DENND1A: variants seen among roughly 807,000 people sequenced by gnomAD.
DENND1A encodes the protein DENN domain containing 1A.
DENND1A carries 51 observed loss-of-function variants against 113.7 expected under a neutral mutation model. That is an observed-to-expected ratio of 0.45 (90% CI 0.36 to 0.57). The LOEUF (loss-of-function observed/expected upper bound fraction) is 0.57. Ranked by LOEUF, DENND1A falls within the 20% of genes least tolerant of loss-of-function variation. The pLI, the probability that DENND1A is intolerant of heterozygous loss-of-function variation, is 0.00. For synonymous variants in DENND1A, 565 were observed against 570.8 expected (o/e 0.99, Z 0.14); for missense variants, 1,258 against 1,395.9 (o/e 0.90, Z 1.57).
At chr9:123,759,901 A>G (rs2070893583) in intron 4 of DENND1A, 1 of 152,246 alleles carries the variant, frequency 6.6e-6, no homozygotes, top group African/African-American at 2.4e-5. Context: ...ATAAAGCTAA[A>G]TTTCGCATTC....
chr9:123,640,610 T>C (rs1404113187), intron 9 of DENND1A, among the ~76,000 whole-genome samples: 1 of 152,236 alleles, frequency 6.6e-6, no homozygotes, highest in Non-Finnish European at 1.5e-5. Flanking sequence ...TCTCCTTGTT[T>C]CTGAGAGTCA....
intron 2 of DENND1A, among the ~76,000 whole-genome samples, chr9:123,831,780 C>G (rs989313479): frequency 1.8e-4 from 28 of 152,220 alleles, no homozygotes; most frequent in African/African-American, 6.5e-4. Flanking sequence ...GTCAGGTGTT[C>G]AAGACCAGCC....
intron 10 of DENND1A, among the ~76,000 whole-genome samples, chr9:123,615,112 T>A (rs1405851004): frequency 1.3e-5 from 2 of 152,306 alleles, no homozygotes; most frequent in South Asian, 2.1e-4. Context: ...CTCTTCAGGC[T>A]AATGTAACTG....
At chr9:123,795,370 CCATAATGTCA>C (rs1833608943) in intron 2 of DENND1A, among the ~76,000 whole-genome samples, 1 of 152,180 alleles carries the variant, frequency 6.6e-6, no homozygotes, top group Non-Finnish European at 1.5e-5. Flanking sequence ...AATCGCAATG[CCATAATGTCA>C]CCAAAATATC....
chr9:123,797,059 A>C (rs1564288368), intron 2 of DENND1A, among the ~76,000 whole-genome samples: 1 of 152,194 alleles, frequency 6.6e-6, no homozygotes, highest in Non-Finnish European at 1.5e-5. Flanking sequence ...GGCAGAAAAC[A>C]TTACATTTAA....
intron 5 of DENND1A, among the ~76,000 whole-genome samples, chr9:123,735,887 T>C (rs974662830): frequency 2.2e-4 from 34 of 152,126 alleles, no homozygotes; most frequent in Admixed American, 2.2e-3. Flanking sequence ...TAGTCCCAGC[T>C]ACTCGGGAGG....
intron 19 of DENND1A, among the ~76,000 whole-genome samples, chr9:123,419,140 G>A (rs1402603353): frequency 6.6e-6 from 1 of 152,264 alleles, no homozygotes; most frequent in South Asian, 2.1e-4. Flanking sequence ...GATGCTGGAG[G>A]CCACAGGGAC....
At chr9:123,823,805 T>C (rs537889447) in intron 2 of DENND1A, among the ~76,000 whole-genome samples, 1 of 150,654 alleles carries the variant, frequency 6.6e-6, no homozygotes, top group African/African-American at 2.4e-5. Flanking sequence ...GAAAGGTGAG[T>C]GAGTATGTAA....
intron 21 of DENND1A, among the ~76,000 whole-genome samples, chr9:123,397,059 T>C (rs2043173978): frequency 6.6e-6 from 1 of 152,214 alleles, no homozygotes; most frequent in African/African-American, 2.4e-5. Flanking sequence ...ATAGATCTCA[T>C]AAGACCTCCC....
chr9:123,755,584 A>C (rs1484342639), intron 5 of DENND1A, among the ~76,000 whole-genome samples: 1 of 151,280 alleles, frequency 6.6e-6, no homozygotes, highest in East Asian at 2.0e-4. Context: ...TTTAAAGTAA[A>C]AGTTATACCT....
At chr9:123,556,747 T>C (rs1475751460) in intron 13 of DENND1A, among the ~76,000 whole-genome samples, 1 of 152,072 alleles carries the variant, frequency 6.6e-6, no homozygotes, top group Non-Finnish European at 1.5e-5. Flanking sequence ...TCCAACATTC[T>C]CCCCTCTGCA....
chr9:123,437,876 G>A (rs1024217113), intron 19 of DENND1A: 12 of 152,170 alleles, frequency 7.9e-5, no homozygotes, highest in African/African-American at 2.2e-4. Flanking sequence ...TTAGGGCTAC[G>A]TGAGTGCATT....
At chr9:123,860,906 C>T (rs1031875512) in intron 2 of DENND1A, among the ~76,000 whole-genome samples, 2 of 152,128 alleles carry the variant, frequency 1.3e-5, no homozygotes, top group East Asian at 3.8e-4. Context: ...TTGTGGAAAA[C>T]ATCAATAACA....
At chr9:123,744,772 T>C (rs1327626440) in intron 5 of DENND1A, among the ~76,000 whole-genome samples, 1 of 119,438 alleles carries the variant, frequency 8.4e-6, no homozygotes, top group East Asian at 2.3e-4. Context: ...TATTAGCTCT[T>C]TTTTTTTTTT....
intron 5 of DENND1A, among the ~76,000 whole-genome samples, chr9:123,724,045 T>G (rs913276518): frequency 3.3e-5 from 5 of 152,198 alleles, no homozygotes; most frequent in African/African-American, 1.2e-4. Context: ...CTCAGCTTGT[T>G]AAAGAAGAAC....
chr9:123,699,688 C>CTTTTTT (rs34215948), intron 5 of DENND1A, among the ~76,000 whole-genome samples: 483 of 112,414 alleles, frequency 4.3e-3, no homozygotes, highest in African/African-American at 6.2e-3. Flanking sequence ...TTCTTTCTTT[C>CTTTTTT]TTTTTTTTTT....
chr9:123,583,346 GA>G (rs1475387341), intron 11 of DENND1A, 76 bp from the exon 12 acceptor site: 6 of 1,083,844 alleles, frequency 5.5e-6, no homozygotes, highest in Non-Finnish European at 8.3e-6. Context: ...CTTCTCTGGG[GA>G]AGAGGCATAG....
At chr9:123,718,031 C>A (rs2067095632) in intron 5 of DENND1A, among the ~76,000 whole-genome samples, 1 of 152,208 alleles carries the variant, frequency 6.6e-6, no homozygotes, top group Non-Finnish European at 1.5e-5. Flanking sequence ...GCTGTCTTTT[C>A]ATCTTGCTGG....
At chr9:123,904,406 G>C (rs550454792) in intron 1 of DENND1A, among the ~76,000 whole-genome samples, 1 of 151,334 alleles carries the variant, frequency 6.6e-6, no homozygotes, top group African/African-American at 2.4e-5. Flanking sequence ...GGCTTCAGAC[G>C]ATCAAATTAC....
Sources: gnomAD v4.1 joint callset for allele counts (sites outside exome capture counted in the v4.1 genomes callset) on GRCh38, gnomAD v4.1.1 for gene constraint, MANE v1.5 for transcripts, NCBI Gene and HGNC (gene_info 2026-07-23, HGNC 2026-07-21) for gene names.